Variants in GRAMD1B observed in about 807,000 individuals in gnomAD.
GRAMD1B encodes protein Aster-B.
GRAMD1B carries 37 observed loss-of-function variants against 99.7 expected under a neutral mutation model. That is an observed-to-expected ratio of 0.37 (90% confidence interval 0.29 to 0.49). The LOEUF is 0.49. Among genes scored for constraint, GRAMD1B ranks in the 20% least tolerant of loss-of-function variants. The probability of loss-of-function intolerance (pLI) is 0.98; values close to 1 mark genes in which losing one functional copy is unlikely to be tolerated. For synonymous variants in GRAMD1B, 427 were observed against 387.6 expected (o/e 1.10, Z -1.19); for missense variants, 888 against 1,009.2 (o/e 0.88, Z 1.63).
At chr11:123,419,498 G>T (rs1283770071) in intron 1 of GRAMD1B, among the ~76,000 whole-genome samples, 1 of 152,150 alleles carries the variant, frequency 6.6e-6, no homozygotes, top group Non-Finnish European at 1.5e-5. Context: ...GGCTGTGGTG[G>T]CACATGTCTC....
rs1592328371 is a variant in GRAMD1B at position 123,623,434 on chromosome 11, G to C, written c.*839G>C. 1 of 152,200 alleles carries C rather than the reference G, an allele frequency of 6.6e-6. No homozygotes were observed. Among genetic ancestry groups the C allele is most frequent in the East Asian group, 1.9e-4 (1 of 5,186 alleles). 9.4% of individuals were successfully genotyped at this position (152,200 alleles called of 1,614,324 possible). Reference sequence around the variant, plus strand: ...CTAAGAGCACATTGTTTATTAGCCAGGGTGGAGCGTTTTCGACCTTATTAA... The same window carrying C: ...CTAAGAGCACATTGTTTATTAGCCACGGTGGAGCGTTTTCGACCTTATTAA... On this transcript the variant is annotated 3_prime_UTR_variant, in exon 20 of 20. Transcript: ENST00000635736.
chr11:123,577,621 G>A lies in GRAMD1B; in HGVS notation c.663+44G>A. 2.8e-6 allele frequency: 4 copies of A among 1,436,834 alleles called. No homozygotes were observed. The South Asian group carries it at 3.7e-5, about 13-fold the overall frequency. 89.0% of individuals were successfully genotyped at this position (1,436,834 alleles called of 1,614,324 possible). A position where few individuals can be genotyped will look rare whatever the true frequency, so the allele number is the denominator to read the frequency against. On this transcript the variant is annotated intron_variant, in intron 3 of 19. Coordinates refer to ENST00000635736, the MANE Select transcript of GRAMD1B (RefSeq NM_001387025.1). ...AGGCGGTACCTCCTTGTCAGGGGCT[G>A]CGGGGAGCGATATTGGGGTGGTGAG...
At chr11:123,469,470 A>C (rs1469751787) in intron 1 of GRAMD1B, among the ~76,000 whole-genome samples, 1 of 152,100 alleles carries the variant, frequency 6.6e-6, no homozygotes, top group Non-Finnish European at 1.5e-5. Context: ...GAGTCACTAA[A>C]GAAGTAAGGT....
intron 1 of GRAMD1B, among the ~76,000 whole-genome samples, chr11:123,361,384 C>T (rs1946142669): frequency 6.6e-6 from 1 of 152,200 alleles, no homozygotes; most frequent in African/African-American, 2.4e-5. Context: ...TGTCTTTGGG[C>T]TGCTGTTTAC....
chr11:123,594,315 T>G, intron 5 of GRAMD1B, 149 bp downstream of exon 5: 2 of 656,154 alleles, frequency 3.0e-6, no homozygotes, highest in Non-Finnish European at 5.5e-6. Flanking sequence ...GCCCCAGCTG[T>G]CAGGGCTCGA....
At chr11:123,534,885 A>AG (rs1233108488) in intron 2 of GRAMD1B, among the ~76,000 whole-genome samples, 1 of 151,608 alleles carries the variant, frequency 6.6e-6, no homozygotes, top group Non-Finnish European at 1.5e-5. Flanking sequence ...AAAAATAATG[A>AG]GGGGGTCTCA....
intron 1 of GRAMD1B, among the ~76,000 whole-genome samples, chr11:123,460,626 C>CT (rs1565517430): frequency 6.6e-6 from 1 of 152,148 alleles, no homozygotes; most frequent in Admixed American, 6.6e-5. Flanking sequence ...CAAGATAATG[C>CT]TTTTACCATA....
In GRAMD1B at chr11:123,395,863, T is replaced by C. The variant is rs538184343; in HGVS notation, c.-176+37064T>C. 2.6e-5 allele frequency among the ~76,000 whole-genome samples: 4 copies of C among 152,346 alleles called. No homozygotes were observed. In the South Asian group the frequency reaches 6.2e-4, roughly 24 times the overall value. On this transcript the variant is annotated intron_variant, in intron 1 of 20. Coordinates refer to the GRAMD1B transcript ENST00000638157. Reference sequence around the variant, plus strand: ...GACCTTAGAGAAGTTTCTTTTTCTCTTCTGTGAAATAGGATCTCCTTTTAA... The same window carrying C: ...GACCTTAGAGAAGTTTCTTTTTCTCCTCTGTGAAATAGGATCTCCTTTTAA...
intron 1 of GRAMD1B, among the ~76,000 whole-genome samples, chr11:123,469,569 A>T (rs1021281642): frequency 6.6e-6 from 1 of 152,148 alleles, no homozygotes; most frequent in Non-Finnish European, 1.5e-5. Context: ...GGAGAAAAAG[A>T]TGGTGAATTC....
chr11:123,455,307 G>A (rs1950065897), intron 1 of GRAMD1B, among the ~76,000 whole-genome samples: 1 of 151,966 alleles, frequency 6.6e-6, no homozygotes, highest in African/African-American at 2.4e-5. Flanking sequence ...TAAAAACGAG[G>A]GTCTTACTAT....
At chr11:123,573,328 C>T (rs1352825559) in intron 2 of GRAMD1B, among the ~76,000 whole-genome samples, 3 of 152,178 alleles carry the variant, frequency 2.0e-5, no homozygotes, top group Non-Finnish European at 4.4e-5. Flanking sequence ...GGTCTTTAAT[C>T]ATCAAAAAGG....
intron 1 of GRAMD1B, among the ~76,000 whole-genome samples, chr11:123,415,497 G>C (rs1411903299): frequency 1.3e-5 from 2 of 151,654 alleles, no homozygotes; most frequent in African/African-American, 2.4e-5. Context: ...ATGCACAGCA[G>C]AGCCAGGGGG....
At chr11:123,493,297 A>G (rs1001403408) in intron 2 of GRAMD1B, among the ~76,000 whole-genome samples, 1 of 152,216 alleles carries the variant, frequency 6.6e-6, no homozygotes, top group Non-Finnish European at 1.5e-5. Context: ...GAACTGAGAT[A>G]AAATAAGAAA....
At chr11:123,367,519 T>C (rs1324195998) in intron 1 of GRAMD1B, among the ~76,000 whole-genome samples, 3 of 152,114 alleles carry the variant, frequency 2.0e-5, no homozygotes, top group Non-Finnish European at 4.4e-5. Flanking sequence ...GCAGATGGGA[T>C]AGCATGTGCA....
Position 123,577,504 on chromosome 11 carries a change from C to G in GRAMD1B, c.590C>G (p.Pro197Arg). The G allele has an allele frequency of 4.4e-6, 7 of 1,601,514 alleles. No individual in the cohort carries two copies. The highest frequency in any genetic ancestry group is 1.7e-4 in the Middle Eastern group (1 of 6,054). The change falls in exon 3 of 20, where the codon CCG becomes CGG. Residue 197 changes from proline to arginine, a missense_variant. Around this residue, in one of 5 missense-constraint regions of GRAMD1B, gnomAD observed 233 missense variants for 154.6 expected, o/e 1.51. Transcript: ENST00000635736. ...TCAGATCACTCCTCGGACAAGTCCC[C>G]GTCCACACCGGAGCAGGGCGTGCAG... ...KGSDHSSDKS[P>R]STPEQGVQRS...
chr11:123,372,373 A>C (rs1946557820), intron 1 of GRAMD1B, among the ~76,000 whole-genome samples: 1 of 152,214 alleles, frequency 6.6e-6, no homozygotes, highest in South Asian at 2.1e-4. Context: ...TCTACAGATG[A>C]AGAAAAAGAG....
intron 1 of GRAMD1B, among the ~76,000 whole-genome samples, chr11:123,450,019 G>C (rs143639708): frequency 0.013 from 1,919 of 152,214 alleles, 30 homozygotes; most frequent in Admixed American, 0.021. Context: ...CACCACACCT[G>C]AACCAGAGAC....
intron 1 of GRAMD1B, among the ~76,000 whole-genome samples, chr11:123,445,989 T>G (rs1488029298): frequency 1.3e-5 from 2 of 152,130 alleles, no homozygotes; most frequent in Non-Finnish European, 2.9e-5. Context: ...ACACTCATGT[T>G]CTCTTGTTTT....
intron 2 of GRAMD1B, among the ~76,000 whole-genome samples, chr11:123,484,486 C>T (rs1417541467): frequency 6.6e-6 from 1 of 152,118 alleles, no homozygotes; most frequent in African/African-American, 2.4e-5. Flanking sequence ...AAACCTCTGC[C>T]CAGAAAAACT....
Sources: gnomAD v4.1 joint callset for allele counts (sites outside exome capture counted in the v4.1 genomes callset) on GRCh38, gnomAD v4.1.1 for gene constraint, gnomAD v4.1.1 regional missense constraint, MANE v1.5 for transcripts, NCBI Gene and HGNC (gene_info 2026-07-23, HGNC 2026-07-21) for gene names.